ZNF385D: variants seen among roughly 807,000 people sequenced by gnomAD.
ZNF385D encodes zinc finger protein 659.
ZNF385D carries 15 observed loss-of-function variants against 35.8 expected under a neutral mutation model. That is an observed-to-expected ratio of 0.42 (90% confidence interval 0.28 to 0.64). The LOEUF (loss-of-function observed/expected upper bound fraction) is 0.64, where lower values mean the gene tolerates loss of function less well. Among genes scored for constraint, ZNF385D ranks in the 30% least tolerant of loss-of-function variants. ZNF385D has a pLI of 0.23. For synonymous variants in ZNF385D, 212 were observed against 186.8 expected (o/e 1.13, Z -1.10); for missense variants, 474 against 494.6 (o/e 0.96, Z 0.39).
chr3:22,298,467 AAT>A (rs10543928), intron 2 of ZNF385D, among the ~76,000 whole-genome samples: 48,010 of 143,596 alleles, frequency 0.33, 8,288 homozygotes, highest in Non-Finnish European at 0.38. Context: ...ATAATATATA[AAT>A]ATACATAAAA....
intron 3 of ZNF385D, among the ~76,000 whole-genome samples, chr3:22,005,507 A>C (rs372518852): frequency 6.6e-6 from 1 of 152,150 alleles, no homozygotes; most frequent in African/African-American, 2.4e-5. Flanking sequence ...AAATATTTTC[A>C]ACACAAATAA....
chr3:22,236,659 G>C (rs1433383354), intron 2 of ZNF385D, among the ~76,000 whole-genome samples: 1 of 152,006 alleles, frequency 6.6e-6, no homozygotes, highest in African/African-American at 2.4e-5. Context: ...TCTATTTTCA[G>C]AACATTTTCA....
intron 2 of ZNF385D, among the ~76,000 whole-genome samples, chr3:21,591,277 T>A (rs2063968907): frequency 6.6e-6 from 1 of 152,094 alleles, no homozygotes; most frequent in South Asian, 2.1e-4. Flanking sequence ...ATTTTTTTTT[T>A]ACAAGTGCCC....
At chr3:22,005,565 C>G (rs1438364647) in intron 3 of ZNF385D, among the ~76,000 whole-genome samples, 4 of 151,976 alleles carry the variant, frequency 2.6e-5, no homozygotes, top group African/African-American at 9.7e-5. Context: ...GACCATTGCA[C>G]AATTACACAC....
At chr3:21,672,998 A>G (rs1418939971) in intron 1 of ZNF385D, among the ~76,000 whole-genome samples, 1 of 152,132 alleles carries the variant, frequency 6.6e-6, no homozygotes, top group East Asian at 1.9e-4. Flanking sequence ...TGTCAGGTAG[A>G]CAGTGAATAA....
chr3:22,099,974 A>C (rs1248647318), intron 3 of ZNF385D, among the ~76,000 whole-genome samples: 1 of 152,124 alleles, frequency 6.6e-6, no homozygotes, highest in Non-Finnish European at 1.5e-5. Context: ...ATGAACTCAA[A>C]CAAATTTACA....
intron 3 of ZNF385D, among the ~76,000 whole-genome samples, chr3:22,164,820 G>T (rs887865326): frequency 6.6e-6 from 1 of 151,918 alleles, no homozygotes; most frequent in Non-Finnish European, 1.5e-5. Context: ...TTTAAAAGCA[G>T]GATAGTTCGA....
Position 21,424,061 on chromosome 3 carries a change from T to G in ZNF385D, c.856A>C (p.Ile286Leu). Residue 286 changes from isoleucine (I) to leucine (L), a missense_variant, in exon 7 of 8, where the codon ATT (isoleucine) becomes CTT (leucine). Coordinates refer to ENST00000281523, the MANE Select transcript of ZNF385D (RefSeq NM_024697.3). Reference protein sequence around the residue: ...VNSETQLKQHISSRRHKDRAA... With the variant: ...VNSETQLKQHLSSRRHKDRAA... ...CTGTCTTTGTGCCTTCTACTGCTAA[T>G]GTGCTATTAAAAGTAATTTAAAATG... 6.3e-7 allele frequency: 1 copy of G among 1,577,384 alleles called. No individual in the cohort carries two copies. Among genetic ancestry groups the G allele is most frequent in the Non-Finnish European group, 8.6e-7 (1 of 1,168,276 alleles).
intron 3 of ZNF385D, among the ~76,000 whole-genome samples, chr3:21,911,786 T>C (rs1699976483): frequency 6.6e-6 from 1 of 151,944 alleles, no homozygotes; most frequent in South Asian, 2.1e-4. Context: ...TAAACAGGAA[T>C]TTATCACACT....
chr3:22,188,473 G>A (rs1041575277), intron 2 of ZNF385D, among the ~76,000 whole-genome samples: 16 of 150,720 alleles, frequency 1.1e-4, no homozygotes, highest in South Asian at 2.1e-4. Flanking sequence ...TTTTTGAGAC[G>A]GAGTCTTGCT....
chr3:21,516,226 T>C (rs1707554225), intron 3 of ZNF385D, among the ~76,000 whole-genome samples: 2 of 152,226 alleles, frequency 1.3e-5, no homozygotes, highest in African/African-American at 4.8e-5. Flanking sequence ...ATGTCCAGCC[T>C]TATGTTAATT....
chr3:21,866,528 T>G (rs1233753568), intron 3 of ZNF385D, among the ~76,000 whole-genome samples: 2 of 152,176 alleles, frequency 1.3e-5, no homozygotes, highest in African/African-American at 4.8e-5. Flanking sequence ...CAAACTGGTT[T>G]GCATCATACT....
chr3:21,921,559 C>G (rs1171981414), intron 3 of ZNF385D, among the ~76,000 whole-genome samples: 1 of 151,838 alleles, frequency 6.6e-6, no homozygotes, highest in Non-Finnish European at 1.5e-5. Flanking sequence ...TATGTTTATT[C>G]CTCTTTTAAA....
At chr3:21,673,251 C>A (rs9850218) in intron 1 of ZNF385D, among the ~76,000 whole-genome samples, 6,388 of 152,058 alleles carry the variant, frequency 0.042, 455 homozygotes, top group African/African-American at 0.14. Context: ...AAAATTAGTA[C>A]AATAAAAAAA....
intron 4 of ZNF385D, among the ~76,000 whole-genome samples, chr3:21,438,694 A>G (rs1452567862): frequency 1.3e-5 from 2 of 152,072 alleles, no homozygotes; most frequent in Admixed American, 6.6e-5. Flanking sequence ...TCACTTATCT[A>G]CCTGCTAAGA....
chr3:22,080,962 A>G (rs1700722126), intron 3 of ZNF385D, among the ~76,000 whole-genome samples: 1 of 152,110 alleles, frequency 6.6e-6, no homozygotes, highest in East Asian at 1.9e-4. Flanking sequence ...TGAGGAACAC[A>G]TGTTTGTTGT....
rs536992698 is a variant in ZNF385D, at chr3:22,064,147, G to A, written c.325+104670C>T. 9.2e-5 allele frequency among the ~76,000 whole-genome samples: 14 copies of A among 152,308 alleles called. 1 individual carries two copies. The South Asian group carries it at 2.9e-3, about 32-fold the overall frequency. ...GCTAGAAATCAAGAGAAGTGGAATT[G>A]TTGGTCCTCAGAAGACTCAGTCTTG... is the stretch of plus-strand genomic sequence containing the variant. On this transcript the variant is annotated intron_variant, in intron 3 of 5. Transcript: ENST00000494108.
intron 3 of ZNF385D, among the ~76,000 whole-genome samples, chr3:21,528,196 T>A (rs1169986150): frequency 6.6e-6 from 1 of 152,062 alleles, no homozygotes; most frequent in African/African-American, 2.4e-5. Context: ...GGAGAGAGAA[T>A]GAAATAGAAG....
At position 21,416,497 on chromosome 3, in the gene ZNF385D, C is replaced by G. The variant is rs1440567539; in HGVS notation, c.*4717G>C. On this transcript the variant is annotated 3_prime_UTR_variant, in exon 8 of 8. Transcript: ENST00000281523. Reference sequence around the variant, plus strand: ...TTTCACTGGACACCCTGATACCACTCTCAGAAATACCATGTAGGCAATGGA... The same window carrying G: ...TTTCACTGGACACCCTGATACCACTGTCAGAAATACCATGTAGGCAATGGA... 1 of 152,076 alleles carries G rather than the reference C, an allele frequency of 6.6e-6. No individual in the cohort carries two copies. The highest frequency in any genetic ancestry group is 2.4e-5 in the African/African-American group (1 of 41,392). 9.4% of individuals were successfully genotyped at this position (152,076 alleles called of 1,614,324 possible). A position where few individuals can be genotyped will look rare whatever the true frequency, so the allele number is the denominator to read the frequency against.
Sources: allele counts gnomAD v4.1 joint callset (sites outside exome capture counted in the v4.1 genomes callset), GRCh38; gene constraint gnomAD v4.1.1; transcripts MANE v1.5; gene names NCBI Gene and HGNC (gene_info 2026-07-23, HGNC 2026-07-21).